Variants in CDH16 observed in about 807,000 individuals in gnomAD.
CDH16 encodes cadherin 16.
CDH16 carries 79 observed loss-of-function variants against 87.6 expected under a neutral mutation model. The observed-to-expected ratio is 0.90, with a 90% CI of 0.75 to 1.09. The LOEUF (loss-of-function observed/expected upper bound fraction) is 1.09, where lower values mean the gene tolerates loss of function less well. Among genes scored for constraint, CDH16 ranks in the 50% least tolerant of loss-of-function variants. The pLI is 0.00. For synonymous variants in CDH16, 457 were observed against 439.5 expected, an observed-to-expected ratio of 1.04 and a Z score of -0.50; for missense variants, 1,124 against 1,071.7, an observed-to-expected ratio of 1.05 and a Z score of -0.68.
chr16:66,914,401 G>A lies in CDH16; in HGVS notation c.595C>T (p.Leu199Phe), dbSNP rs202046869. The change falls in exon 7 of 18, where the codon CTT becomes TTT. Residue 199 changes from leucine (L) to phenylalanine (F), a missense_variant. Transcript: ENST00000299752. ...LALSPKGSTS[L>F]DHALERTYQL... ...TAGGTCCTCTCCAGGGCGTGGTCAAGGCTGGTGCTCCCTAGAACAGGGAGG... is the reference window on the plus strand; with the variant it reads ...TAGGTCCTCTCCAGGGCGTGGTCAAAGCTGGTGCTCCCTAGAACAGGGAGG... The A allele has an allele frequency of 5.6e-6, 9 of 1,613,764 alleles. No individual in the cohort carries two copies. The East Asian group carries it at 8.9e-5, about 16-fold the overall frequency.
At chr16:66,909,000 C>A in intron 17 of CDH16, among the ~76,000 whole-genome samples, 1 of 152,190 alleles carries the variant, frequency 6.6e-6, no homozygotes, top group Non-Finnish European at 1.5e-5. Flanking sequence ...TGGGGAGATA[C>A]CAGGATCTAC....
rs1329855826 is a variant in CDH16, at chr16:66,910,110, C to CAAA, written c.2168-20_2168-18dup. ...CATGGGAACCTTTTGGGACAGCAGG[C>CAAA]AAAGACCAGGGTCACCAGCCTGGAC... is the stretch of plus-strand genomic sequence containing the variant. On this transcript the variant is annotated splice_polypyrimidine_tract_variant and intron_variant, in intron 15 of 17. Transcript: ENST00000299752. 6.2e-7 allele frequency: 1 copy of CAAA among 1,601,658 alleles called. No homozygotes were observed. Among genetic ancestry groups the CAAA allele is most frequent in the Admixed American group, 1.7e-5 (1 of 58,978 alleles).
In CDH16 at chr16:66,908,465, G is replaced by A. The variant is rs150908551; in HGVS notation, c.2417C>T (p.Thr806Ile). Residue 806 changes from threonine (T) to isoleucine (I), a missense_variant, in exon 18 of 18, where the codon ACC becomes ATC. Physicochemically the swap from Thr to Ile is moderately conservative, Grantham distance 89 (BLOSUM62 -1). Transcript: ENST00000299752. ...AIGIFLILIFTHWTMSRKKDP... is the reference protein window; with the variant it reads ...AIGIFLILIFIHWTMSRKKDP... ...CTTCTTCCTTGACATGGTCCAGTGG[G>A]TGAAAATGAGGATGAGGAAGATTCC... The A allele has an allele frequency of 5.1e-5, 82 of 1,613,948 alleles. No homozygotes were observed. Among genetic ancestry groups the A allele is most frequent in the Non-Finnish European group, 6.0e-5 (71 of 1,179,934 alleles).
At position 66,911,925 on chromosome 16, in the gene CDH16, G is replaced by A; in HGVS notation, c.1764C>T (p.Pro588=). ...TGAGGGTTCGGCTGATGGGGTCGGA[G>A]GGCTGGATGGTCAGCAGGAAAGAGC... The part of the protein sequence containing the change: ...PAGSFLLTIQ[P]SDPISRTLRF... The change falls in exon 13 of 18, where the codon CCC becomes CCT. Residue 588 remains proline (P), a synonymous_variant. Coordinates refer to ENST00000299752, the MANE Select transcript of CDH16 (RefSeq NM_004062.4). The A allele has an allele frequency of 6.2e-7, 1 of 1,609,922 alleles. No homozygotes were observed. Among genetic ancestry groups the A allele is most frequent in the Non-Finnish European group, 8.5e-7 (1 of 1,177,006 alleles).
Position 66,911,315 on chromosome 16 carries a change from C to A in CDH16, c.1791G>T (p.Arg597Ser). Residue 597 changes from arginine to serine, a missense_variant and splice_region_variant, in exon 14 of 18, where the codon AGG (arginine) becomes AGT (serine). By Grantham distance (110) the Arg-to-Ser change is moderately radical (BLOSUM62 -1). Coordinates refer to ENST00000299752, the MANE Select transcript of CDH16 (RefSeq NM_004062.4). ...QPSDPISRTL[R>S]FSLVNDSEGW... ...CCTCTGAGTCATTGACTAGGGAGAA[C>A]CTGCCGCCCAAAGAAGGAGGTGAGG... is the stretch of plus-strand genomic sequence containing the variant. The A allele has an allele frequency of 1.2e-6, 2 of 1,613,114 alleles. No individual in the cohort carries two copies. Among genetic ancestry groups the A allele is most frequent in the Non-Finnish European group, 1.7e-6 (2 of 1,179,580 alleles).
Position 66,911,218 on chromosome 16 carries a change from C to G in CDH16, c.1888G>C (p.Asp630His). 1 of 1,613,554 alleles carries G rather than the reference C, an allele frequency of 6.2e-7. No individual in the cohort carries two copies. The highest frequency in any genetic ancestry group is 8.5e-7 in the Non-Finnish European group (1 of 1,179,840). ...AQSLQGAQPG[D>H]TYTVLVEAQD... ...GCCTCCACAAGCACCGTGTAGGTGTCCCCAGGCTGGGCGCCCTGCAGGGAC... is the reference window on the plus strand; with the variant it reads ...GCCTCCACAAGCACCGTGTAGGTGTGCCCAGGCTGGGCGCCCTGCAGGGAC... The change falls in exon 14 of 18, where the codon GAC (aspartate) becomes CAC (histidine). Residue 630 changes from aspartate to histidine, a missense_variant. Asp to His is a moderately conservative substitution (Grantham distance 81). Transcript: ENST00000299752.
intron 5 of CDH16, 67 bp downstream of exon 5, chr16:66,915,998 T>A: frequency 6.3e-7 from 1 of 1,591,410 alleles, no homozygotes. Context: ...TGGCCATCTC[T>A]TCGCTCTCTG....
intron 3 of CDH16, among the ~76,000 whole-genome samples, chr16:66,917,069 T>C (rs1486779681): frequency 6.6e-6 from 1 of 150,650 alleles, no homozygotes; most frequent in Non-Finnish European, 1.5e-5. Context: ...GCGGCTCACC[T>C]GAGGTGAGGT....
Position 66,912,793 on chromosome 16 carries a change from C to T in CDH16, c.1153G>A (p.Gly385Arg), listed in dbSNP as rs145669990. Residue 385 changes from glycine (G) to arginine (R), a missense_variant, in exon 10 of 18, where the codon GGG (glycine) becomes AGG (arginine). Transcript: ENST00000299752. ...YQLLSPEPED[G>R]VEGRAFQVDP... ...ACCTGGAAGGCTCTCCCCTCTACCC[C>T]ATCCTCAGGCTCAGGGCTCAGGAGC... The T allele has an allele frequency of 1.8e-4, 290 of 1,613,628 alleles. No individual in the cohort carries two copies. The highest frequency in any genetic ancestry group is 2.2e-4 in the Non-Finnish European group (264 of 1,180,036).
In CDH16 at chr16:66,914,213, C is replaced by T; in HGVS notation, c.780+3G>A. 4 of 1,611,288 alleles carry T rather than the reference C, an allele frequency of 2.5e-6. No individual in the cohort carries two copies. Among genetic ancestry groups the T allele is most frequent in the African/African-American group, 2.7e-5 (2 of 75,008 alleles). ...CTTCAGCCACTGACAGCCACTTACT[C>T]ACCTGGGCCATGTGGTGCGGGTATA... On this transcript the variant is annotated splice_donor_region_variant and intron_variant, in intron 7 of 17. Coordinates refer to ENST00000299752, the MANE Select transcript of CDH16 (RefSeq NM_004062.4).
intron 9 of CDH16, 61 bp downstream of exon 9, chr16:66,913,070 A>G (rs1275438238): frequency 6.4e-7 from 1 of 1,552,704 alleles, no homozygotes; most frequent in Non-Finnish European, 8.7e-7. Flanking sequence ...TCCTTATCCC[A>G]GAGAAGAGCA....
At position 66,908,144 on chromosome 16, in the gene CDH16, C is replaced by T. The variant is rs2145440842; in HGVS notation, c.*248G>A. The T allele has an allele frequency of 1.8e-6, 1 of 548,846 alleles. No homozygotes were observed. Among genetic ancestry groups the T allele is most frequent in the East Asian group, 3.0e-5 (1 of 33,526 alleles). The allele number at this position is 548,846 out of a possible 1,614,324, so 34.0% of individuals were successfully genotyped here. ...ACATACCAATCCCATAGGGCCCAGC[C>T]CAGTTCTCTGGGGCTTTATTATTGG... On this transcript the variant is annotated 3_prime_UTR_variant, in exon 18 of 18. Transcript: ENST00000299752.
rs1473032119 is a variant in CDH16 at position 66,916,962 on chromosome 16, G to A, written c.130-533C>T. ...TCTTGGCCACTCAAGGATTCTGTCG[G>A]AATTTCACCTCTGTACTGTCAGCTC... On this transcript the variant is annotated intron_variant, in intron 3 of 17. Transcript: ENST00000299752. The surrounding 1 kb of genome is among the most constrained non-coding windows in gnomAD (Gnocchi z 4.1). Among the ~76,000 whole-genome samples the A allele has an allele frequency of 6.6e-6, 1 of 152,062 alleles. No homozygotes were observed. Among genetic ancestry groups the A allele is most frequent in the African/African-American group, 2.4e-5 (1 of 41,392 alleles).
In CDH16 at chr16:66,913,492, T is replaced by G. The variant is rs1032895181; in HGVS notation, c.902A>C (p.Glu301Ala). 1 of 1,614,124 alleles carries G rather than the reference T, an allele frequency of 6.2e-7. No individual in the cohort carries two copies. Reference protein sequence around the residue: ...TRELDREAQAEYLLQVRAQNS... With the variant: ...TRELDREAQAAYLLQVRAQNS... Reference sequence around the variant, plus strand: ...TCCCTGGCTCCCCCTTCATATCACCTCAGCCTGGGCTTCTCTGTCCAGCTC... The same window carrying G: ...TCCCTGGCTCCCCCTTCATATCACCGCAGCCTGGGCTTCTCTGTCCAGCTC... Residue 301 changes from glutamate to alanine, a missense_variant and splice_region_variant, in exon 8 of 18, where the codon GAG (glutamate) becomes GCG (alanine). Physicochemically the swap from Glu to Ala is moderately radical, Grantham distance 107. Coordinates refer to ENST00000299752, the MANE Select transcript of CDH16 (RefSeq NM_004062.4).
At chr16:66,914,485 A>G in intron 6 of CDH16, 73 bp from the exon 7 acceptor site, 1 of 1,142,388 alleles carries the variant, frequency 8.8e-7, no homozygotes, top group Non-Finnish European at 1.3e-6. Context: ...TCAGCAAGAT[A>G]CCAGACACAA....
rs558366094 is a variant in CDH16, at chr16:66,912,506, G to A, written c.1357C>T (p.Gln453Ter). ...CCTTCTCCCCTGCGTCTGCTTACCT[G>A]GGAAGTGATGAACTCAGGGGCGTGA... ...NDHAPEFITSQIGPISLPEDV... is the reference protein window; with the variant it reads ...NDHAPEFITS The change falls in exon 11 of 18, where the codon CAG becomes TAG. Residue 453 changes from glutamine to a stop codon, truncating the protein, a stop_gained and splice_region_variant. Transcript: ENST00000299752. LOFTEE classifies it high-confidence loss of function. 9.3e-6 allele frequency: 15 copies of A among 1,614,164 alleles called. No individual in the cohort carries two copies. In the South Asian group the frequency reaches 1.6e-4, roughly 18 times the overall value.
At chr16:66,908,828 G>T (rs935805110) in intron 17 of CDH16, among the ~76,000 whole-genome samples, 1 of 152,190 alleles carries the variant, frequency 6.6e-6, no homozygotes, top group Non-Finnish European at 1.5e-5. Flanking sequence ...AGGAAAACCA[G>T]CAAGGAGAAA....
At chr16:66,914,129 C>T (rs1195923533) in intron 7 of CDH16, 87 bp downstream of exon 7, 7 of 1,197,172 alleles carry the variant, frequency 5.8e-6, no homozygotes, top group Non-Finnish European at 4.8e-6. Context: ...ATGAGGGTTC[C>T]AGACCCAGCC....
At chr16:66,913,369 C>G in intron 8 of CDH16, 88 bp from the exon 9 acceptor site, 2 of 1,561,730 alleles carry the variant, frequency 1.3e-6, no homozygotes, top group Non-Finnish European at 1.7e-6. Flanking sequence ...TGGGCCAGCT[C>G]CAGCTCTTCG....
Sources: gnomAD v4.1 joint callset for allele counts (sites outside exome capture counted in the v4.1 genomes callset) on GRCh38, gnomAD v4.1.1 for gene constraint, Gnocchi (gnomAD v3.1) non-coding constraint, MANE v1.5 for transcripts, NCBI Gene and HGNC (gene_info 2026-07-23, HGNC 2026-07-21) for gene names.